The following PAX3 variants were observed in gnomAD, a reference collection of about 807,000 sequenced individuals.
PAX3 encodes the protein paired box protein Pax-3.
A neutral mutation model predicts 51.6 loss-of-function variants in PAX3; 14 were observed. The observed-to-expected ratio is 0.27, with a 90% CI of 0.18 to 0.42. The LOEUF (loss-of-function observed/expected upper bound fraction) is 0.42. Ranked by LOEUF, PAX3 falls within the 10% of genes least tolerant of loss-of-function variation. PAX3 has a pLI of 1.00. For synonymous variants in PAX3, 280 were observed against 253.4 expected, an observed-to-expected ratio of 1.11 and a Z score of -1.00; for missense variants, 540 against 642.8, an observed-to-expected ratio of 0.84 and a Z score of 1.73.
intron 3 of PAX3, 78 bp from the exon 4 acceptor site, chr2:222,294,379 C>G: frequency 6.5e-7 from 1 of 1,526,928 alleles, no homozygotes; most frequent in Non-Finnish European, 9.0e-7. Flanking sequence ...GGACCCCCCA[C>G]CCCCAAACAC....
At chr2:222,256,584 G>T (rs1693654781) in intron 4 of PAX3, among the ~76,000 whole-genome samples, 2 of 151,916 alleles carry the variant, frequency 1.3e-5, no homozygotes. Flanking sequence ...CTACTGCAAG[G>T]AATTAACTTT....
At chr2:222,294,806 C>T (rs1182843962) in intron 3 of PAX3, among the ~76,000 whole-genome samples, 1 of 102,398 alleles carries the variant, frequency 9.8e-6, no homozygotes, top group Non-Finnish European at 1.9e-5. Flanking sequence ...TTCCTTTCTT[C>T]CCTTTTTTTT....
At position 222,200,381 on chromosome 2, in the gene PAX3, A is replaced by G; in HGVS notation, c.*1027T>C. ...ATGTAAACGTAATCAGTTTAAAAGCATAATTATCTGATCTGGTCTCTAATC... is the reference window on the plus strand; with the variant it reads ...ATGTAAACGTAATCAGTTTAAAAGCGTAATTATCTGATCTGGTCTCTAATC... On this transcript the variant is annotated 3_prime_UTR_variant, in exon 9 of 9. Coordinates refer to ENST00000392070, the MANE Select transcript of PAX3 (RefSeq NM_181458.4). 1 of 227,324 alleles carries G rather than the reference A, an allele frequency of 4.4e-6. No individual in the cohort carries two copies. The highest frequency in any genetic ancestry group is 6.3e-5 in the East Asian group (1 of 15,782). 14.1% of individuals were successfully genotyped at this position (227,324 alleles called of 1,614,324 possible). A position where few individuals can be genotyped will look rare whatever the true frequency, so the allele number is the denominator to read the frequency against.
intron 8 of PAX3, chr2:222,201,730 A>G: frequency 5.5e-6 from 8 of 1,461,796 alleles, no homozygotes; most frequent in South Asian, 2.9e-5. Context: ...TCACGTCTCA[A>G]CAATTAATAA....
At chr2:222,273,477 T>C (rs1694319586) in intron 4 of PAX3, among the ~76,000 whole-genome samples, 1 of 152,194 alleles carries the variant, frequency 6.6e-6, no homozygotes, top group Non-Finnish European at 1.5e-5. Flanking sequence ...GGCAGTATTT[T>C]ATTAAACCTC....
intron 4 of PAX3, chr2:222,263,449 G>A (rs1196526755): frequency 6.6e-6 from 1 of 151,996 alleles, no homozygotes; most frequent in Non-Finnish European, 1.5e-5. Context: ...TATTAGAATG[G>A]CAAAATAAAA....
rs1691321481 is a variant in PAX3, at chr2:222,202,163, C to T, written c.1201G>A (p.Gly401Arg). 6.2e-7 allele frequency: 1 copy of T among 1,605,146 alleles called. No individual in the cohort carries two copies. The highest frequency in any genetic ancestry group is 8.5e-7 in the Non-Finnish European group (1 of 1,175,418). Reference sequence around the variant, plus strand: ...TCAGTCTGGGGCTGATGAGGTACCCCACCGTGGTTGGTCAGGAGTCCCATT... The same window carrying T: ...TCAGTCTGGGGCTGATGAGGTACCCTACCGTGGTTGGTCAGGAGTCCCATT... Reference protein sequence around the residue: ...QVMGLLTNHGGVPHQPQTDYA... With the variant: ...QVMGLLTNHGRVPHQPQTDYA... The change falls in exon 8 of 9, where the codon GGG (glycine) becomes AGG (arginine). Residue 401 changes from glycine to arginine, a missense_variant. Gly to Arg is a moderately radical substitution (Grantham distance 125). This residue lies in a region of PAX3 where 427 missense variants were observed against 483.6 expected (regional missense o/e 0.88). Coordinates refer to ENST00000392070, the MANE Select transcript of PAX3 (RefSeq NM_181458.4).
rs575122786 is a variant in PAX3 at position 222,296,902 on chromosome 2, G to A, written c.321+76C>T. The stretch of plus-strand genomic sequence containing the variant: ...CATTGGAGAGCCCCAGATGTCAGCC[G>A]TTACCCCCCGCCCGGTCTTCCCCAA... On this transcript the variant is annotated intron_variant, in intron 2 of 8. Coordinates refer to ENST00000392070, the MANE Select transcript of PAX3 (RefSeq NM_181458.4). The A allele has an allele frequency of 2.5e-4, 307 of 1,228,818 alleles. 1 individual carries two copies. In the African/African-American group the frequency reaches 4.2e-3, roughly 17 times the overall value. The allele number at this position is 1,228,818 out of a possible 1,614,324, so 76.1% of individuals were successfully genotyped here.
intron 4 of PAX3, among the ~76,000 whole-genome samples, chr2:222,249,699 C>T (rs540990356): frequency 1.3e-5 from 2 of 152,134 alleles, no homozygotes; most frequent in Non-Finnish European, 2.9e-5. Context: ...GAAGCCCTTG[C>T]CCCCGGGGTC....
chr2:222,231,581 A>T (rs560364849), intron 5 of PAX3, among the ~76,000 whole-genome samples: 3 of 152,346 alleles, frequency 2.0e-5, no homozygotes, highest in South Asian at 4.1e-4. Context: ...GGTCACAGAG[A>T]TGAAGCGTAT....
Position 222,202,098 on chromosome 2 carries a change from G to GGTA in PAX3, c.1263_1265dup (p.Thr424dup), listed in dbSNP as rs1479686938. On this transcript the variant is annotated inframe_insertion, in exon 8 of 9. Transcript: ENST00000392070. ...GACTGCAGCTGGCCGACACCGTGGT[G>GGTA]GTAGGTTCCAGACCCCCGGTGAGAG... 4 of 1,613,772 alleles carry GGTA rather than the reference G, an allele frequency of 2.5e-6. No individual in the cohort carries two copies. Among genetic ancestry groups the GGTA allele is most frequent in the East Asian group, 2.2e-5 (1 of 44,796 alleles).
chr2:222,253,424 T>C (rs528551647), intron 4 of PAX3, among the ~76,000 whole-genome samples: 5 of 152,180 alleles, frequency 3.3e-5, no homozygotes, highest in East Asian at 1.9e-4. Flanking sequence ...TTTTAGAGTA[T>C]GACTTAGCAT....
intron 7 of PAX3, among the ~76,000 whole-genome samples, chr2:222,216,785 A>C (rs1393275468): frequency 1.3e-5 from 2 of 152,202 alleles, no homozygotes; most frequent in African/African-American, 4.8e-5. Flanking sequence ...CCTTGATGAG[A>C]AACTAGAAAG....
intron 4 of PAX3, among the ~76,000 whole-genome samples, chr2:222,269,674 G>A (rs758325119): frequency 3.4e-5 from 5 of 148,988 alleles, no homozygotes; most frequent in African/African-American, 7.4e-5. Flanking sequence ...AAAAAAAGTC[G>A]TACTTAATCA....
At position 222,298,771 on chromosome 2, in the gene PAX3, G is replaced by T. The variant is rs867534042; in HGVS notation, c.-156C>A. ...GAGGGACGCGGGGAGGGGGGCTGTC[G>T]GTTCCTAGTCCAGAGGCCGGAGCTG... On this transcript the variant is annotated 5_prime_UTR_variant, in exon 1 of 9. Coordinates refer to ENST00000392070, the MANE Select transcript of PAX3 (RefSeq NM_181458.4). 1.1e-5 allele frequency: 8 copies of T among 719,302 alleles called. No individual in the cohort carries two copies. The highest frequency in any genetic ancestry group is 6.9e-5 in the African/African-American group (4 of 57,556). The allele number at this position is 719,302 out of a possible 1,614,324, so 44.6% of individuals were successfully genotyped here.
At chr2:222,212,739 T>C (rs1179692787) in intron 7 of PAX3, among the ~76,000 whole-genome samples, 3 of 152,134 alleles carry the variant, frequency 2.0e-5, no homozygotes, top group South Asian at 2.1e-4. Context: ...TGAATAAATA[T>C]GCAAGTATTC....
intron 7 of PAX3, among the ~76,000 whole-genome samples, chr2:222,218,974 C>T (rs984660614): frequency 8.5e-5 from 13 of 152,300 alleles, no homozygotes; most frequent in African/African-American, 2.2e-4. Flanking sequence ...CAGCTGCTCA[C>T]AGTTATCACT....
At position 222,295,555 on chromosome 2, in the gene PAX3, C is replaced by T; in HGVS notation, c.424G>A (p.Val142Ile). The T allele has an allele frequency of 6.2e-7, 1 of 1,614,218 alleles. No individual in the cohort carries two copies. The highest frequency in any genetic ancestry group is 1.1e-5 in the South Asian group (1 of 91,088). The change falls in exon 3 of 9, where the codon GTC becomes ATC. Residue 142 changes from valine to isoleucine, a missense_variant. By Grantham distance (29) the Val-to-Ile change is conservative. Transcript: ENST00000392070. ...EIRDKLLKDAVCDRNTVPSVS... is the reference protein window; with the variant it reads ...EIRDKLLKDAICDRNTVPSVS... ...GACGGCACGGTGTTTCGATCACAGA[C>T]CGCGTCCTTGAGTAATTTGTCTCGG... is the stretch of plus-strand genomic sequence containing the variant.
chr2:222,232,694 G>A (rs555498129), intron 4 of PAX3, among the ~76,000 whole-genome samples: 7 of 152,078 alleles, frequency 4.6e-5, no homozygotes, highest in Non-Finnish European at 8.8e-5. Flanking sequence ...TGCTTCCTTC[G>A]TGTCTAATGA....
Sources: gnomAD v4.1 joint callset for allele counts (sites outside exome capture counted in the v4.1 genomes callset) on GRCh38, gnomAD v4.1.1 for gene constraint, gnomAD v4.1.1 regional missense constraint, MANE v1.5 for transcripts, NCBI Gene and HGNC (gene_info 2026-07-23, HGNC 2026-07-21) for gene names.